Variants in UXS1 observed in about 807,000 individuals in gnomAD.
The protein encoded by UXS1 is UDP-glucuronate decarboxylase 1.
UXS1 carries 33 observed loss-of-function variants against 62.6 expected under a neutral mutation model. The observed-to-expected ratio is 0.53, with a 90% CI of 0.40 to 0.70. The LOEUF is 0.70. Ranked by LOEUF, UXS1 falls within the 30% of genes least tolerant of loss-of-function variation. The pLI is 0.00. For missense variants in UXS1, 434 were observed against 556.3 expected, an observed-to-expected ratio of 0.78 and a Z score of 2.21; for synonymous variants, 213 against 206.8, an observed-to-expected ratio of 1.03 and a Z score of -0.26.
intron 1 of UXS1, among the ~76,000 whole-genome samples, chr2:106,168,084 C>T (rs1201364511): frequency 6.6e-6 from 1 of 152,130 alleles, no homozygotes. Flanking sequence ...TCACTTGAGC[C>T]CTGGAAATGG....
chr2:106,107,022 G>A (rs1308564417), intron 10 of UXS1, among the ~76,000 whole-genome samples: 1 of 151,994 alleles, frequency 6.6e-6, no homozygotes, highest in Non-Finnish European at 1.5e-5. Context: ...CTCTCAGGCT[G>A]GCACCAGGCC....
At chr2:106,158,453 T>C (rs1682633011) in intron 4 of UXS1, among the ~76,000 whole-genome samples, 1 of 152,236 alleles carries the variant, frequency 6.6e-6, no homozygotes. Context: ...ATGAGGGAGA[T>C]GGCCGTGAAA....
At chr2:106,177,200 C>CTTTTT (rs5833174) in intron 1 of UXS1, among the ~76,000 whole-genome samples, 3 of 134,668 alleles carry the variant, frequency 2.2e-5, no homozygotes, top group South Asian at 2.2e-4. Context: ...TTTCTTTTTT[C>CTTTTT]TTTTTTTTTT....
At chr2:106,125,868 C>A (rs186724389) in intron 7 of UXS1, among the ~76,000 whole-genome samples, 189 bp from the exon 8 acceptor site, 2 of 152,340 alleles carry the variant, frequency 1.3e-5, no homozygotes, top group East Asian at 1.9e-4. Flanking sequence ...TAAATGGATT[C>A]TCAGAAGGCC....
In UXS1 at chr2:106,145,263, G is replaced by GAAACGTGAAGCA; in HGVS notation, c.398_399insTGCTTCACGTTT (p.Asn133_Val134insAlaSerArgPhe). The GAAACGTGAAGCA allele has an allele frequency of 6.2e-7, 1 of 1,613,950 alleles. No homozygotes were observed. On this transcript the variant is annotated inframe_insertion, in exon 6 of 15. Transcript: ENST00000283148. ...TCTCATGTCCGATCCAGTGCTCCAC[G>GAAACGTGAAGCA]TTTCTCTTCCTGCCCGTGAAGAAAT...
rs182485952 is a variant in UXS1, at chr2:106,111,189, G to A, written c.879+1457C>T. On this transcript the variant is annotated intron_variant, in intron 10 of 14. Coordinates refer to ENST00000283148, the MANE Select transcript of UXS1 (RefSeq NM_001253875.2). ...ATAGGGGTGGGGCGGCAGCAGTGTA[G>A]ACCAGGGACTGGAGTCTGGATCTAC... Among the ~76,000 whole-genome samples, 27 of 152,314 alleles carry A rather than the reference G, an allele frequency of 1.8e-4. 1 individual carries two copies. The highest frequency in any genetic ancestry group is 6.5e-4 in the African/African-American group (27 of 41,562).
chr2:106,100,334 T>C (rs560050806), intron 12 of UXS1, among the ~76,000 whole-genome samples: 26 of 152,228 alleles, frequency 1.7e-4, no homozygotes, highest in Admixed American at 1.0e-3. Context: ...AGGAGGCAGC[T>C]TAGGGGGTAG....
chr2:106,112,550 T>G (rs1182924747), intron 10 of UXS1, 96 bp downstream of exon 10: 4 of 1,515,884 alleles, frequency 2.6e-6, no homozygotes, highest in Non-Finnish European at 8.9e-7. Context: ...TTCAGAAGTG[T>G]CACTCCCTGA....
Position 106,123,098 on chromosome 2 carries a change from TG to T in UXS1, c.638-8del. On this transcript the variant is annotated splice_region_variant and splice_polypyrimidine_tract_variant and intron_variant, in intron 8 of 14. Coordinates refer to ENST00000283148, the MANE Select transcript of UXS1 (RefSeq NM_001253875.2). ...TGAGGGTGGACTTCAGGATCTACGA[TG>T]GGAGAAAAGTGAGACTGTTTTCATC... 6.2e-7 allele frequency: 1 copy of T among 1,613,686 alleles called. No homozygotes were observed. The highest frequency in any genetic ancestry group is 8.5e-7 in the Non-Finnish European group (1 of 1,179,700).
At chr2:106,152,990 A>C (rs914105276) in intron 5 of UXS1, among the ~76,000 whole-genome samples, 1 of 152,202 alleles carries the variant, frequency 6.6e-6, no homozygotes, top group Non-Finnish European at 1.5e-5. Flanking sequence ...AAAACAGTGC[A>C]CTCAAAAGCT....
intron 1 of UXS1, among the ~76,000 whole-genome samples, chr2:106,166,949 T>C (rs1277997089): frequency 1.3e-5 from 2 of 152,192 alleles, no homozygotes; most frequent in East Asian, 3.8e-4. Context: ...TCCCTTGTAA[T>C]GATGATGAAA....
At chr2:106,156,051 C>G (rs1682396306) in intron 5 of UXS1, among the ~76,000 whole-genome samples, 1 of 151,960 alleles carries the variant, frequency 6.6e-6, no homozygotes, top group Non-Finnish European at 1.5e-5. Context: ...CAGACTTTAT[C>G]CATATTTAAA....
At chr2:106,104,913 G>T (rs760879933) in intron 10 of UXS1, 76 bp from the exon 11 acceptor site, 178 of 1,571,730 alleles carry the variant, frequency 1.1e-4, no homozygotes, top group Admixed American at 7.0e-4. Flanking sequence ...AACTCCAGGG[G>T]ACACAGTCCG....
intron 1 of UXS1, among the ~76,000 whole-genome samples, chr2:106,180,847 A>G (rs1217262548): frequency 6.6e-6 from 1 of 152,216 alleles, no homozygotes; most frequent in Admixed American, 6.5e-5. Context: ...CTCTCCTCCC[A>G]ACTTCGCAAA....
chr2:106,099,475 T>A (rs1488451579), intron 12 of UXS1, among the ~76,000 whole-genome samples: 1 of 152,054 alleles, frequency 6.6e-6, no homozygotes, highest in Non-Finnish European at 1.5e-5. Flanking sequence ...TGAAGCTAGA[T>A]GGTAAATGTG....
Position 106,104,893 on chromosome 2 carries a change from G to C in UXS1, c.880-56C>G, listed in dbSNP as rs1677926946. ...ATAAAACCACACCCGTCCTGCGTAG[G>C]TGTCCTTGAAACTCCAGGGGACACA... is the stretch of plus-strand genomic sequence containing the variant. On this transcript the variant is annotated intron_variant, in intron 10 of 14. Transcript: ENST00000283148. The C allele has an allele frequency of 1.9e-6, 3 of 1,610,346 alleles. No individual in the cohort carries two copies. The Admixed American group carries it at 5.0e-5, about 27-fold the overall frequency.
At chr2:106,148,891 C>T (rs1050596346) in intron 5 of UXS1, among the ~76,000 whole-genome samples, 5 of 152,150 alleles carry the variant, frequency 3.3e-5, no homozygotes, top group Admixed American at 1.3e-4. Flanking sequence ...AGAACTTACA[C>T]GGCTTTGCAT....
chr2:106,176,724 A>G (rs1683904287), intron 1 of UXS1, among the ~76,000 whole-genome samples: 1 of 152,198 alleles, frequency 6.6e-6, no homozygotes, highest in Non-Finnish European at 1.5e-5. Context: ...AAGTGGCCCA[A>G]ATAAAAAGTC....
chr2:106,149,983 T>C (rs1292071416), intron 5 of UXS1, among the ~76,000 whole-genome samples: 1 of 152,132 alleles, frequency 6.6e-6, no homozygotes, highest in African/African-American at 2.4e-5. Context: ...CAGATGGAAA[T>C]GAGGAACATA....
Sources: gnomAD v4.1 joint callset for allele counts (sites outside exome capture counted in the v4.1 genomes callset) on GRCh38, gnomAD v4.1.1 for gene constraint, MANE v1.5 for transcripts, NCBI Gene and HGNC (gene_info 2026-07-23, HGNC 2026-07-21) for gene names.